GABBR2: variants seen among roughly 807,000 people sequenced by gnomAD.
GABBR2 encodes G-protein coupled receptor 51.
Under a neutral mutation model 105.6 loss-of-function variants are expected in GABBR2, and 23 were observed. The observed-to-expected ratio is 0.22, with a 90% CI of 0.16 to 0.31. The LOEUF is 0.31. Ranked by LOEUF, GABBR2 falls within the 10% of genes least tolerant of loss-of-function variation. The pLI, the probability that GABBR2 is intolerant of heterozygous loss-of-function variation, is 1.00. For missense variants in GABBR2, 734 were observed against 1,245.5 expected (o/e 0.59, Z 6.18); for synonymous variants, 478 against 499.7 (o/e 0.96, Z 0.58).
intron 1 of GABBR2, among the ~76,000 whole-genome samples, chr9:98,611,426 G>C (rs1315301493): frequency 6.6e-6 from 1 of 151,862 alleles, no homozygotes; most frequent in Non-Finnish European, 1.5e-5. Context: ...AACTGCTATG[G>C]ATTCCTTCAT....
intron 13 of GABBR2, among the ~76,000 whole-genome samples, chr9:98,329,148 T>C (rs942628519): frequency 6.6e-6 from 1 of 152,296 alleles, no homozygotes; most frequent in African/African-American, 2.4e-5. Context: ...AGAAAAGGTT[T>C]CAAAGATTCA....
chr9:98,610,483 C>G (rs1829490377), intron 1 of GABBR2, among the ~76,000 whole-genome samples: 3 of 152,174 alleles, frequency 2.0e-5, no homozygotes, highest in Non-Finnish European at 4.4e-5. Flanking sequence ...GGGAATATTA[C>G]CTTACATGGC....
chr9:98,699,207 C>T (rs1303876909), intron 1 of GABBR2, among the ~76,000 whole-genome samples: 2 of 152,122 alleles, frequency 1.3e-5, no homozygotes, highest in Non-Finnish European at 2.9e-5. Flanking sequence ...CTCCTAAAAC[C>T]ATAATGCTTC....
chr9:98,496,824 T>C (rs1264274580), intron 3 of GABBR2, among the ~76,000 whole-genome samples: 1 of 152,200 alleles, frequency 6.6e-6, no homozygotes, highest in Non-Finnish European at 1.5e-5. Context: ...CACATCACAC[T>C]GTCTCCAAAT....
At chr9:98,292,544 A>T (rs142343823) in intron 18 of GABBR2, among the ~76,000 whole-genome samples, 35 of 152,342 alleles carry the variant, frequency 2.3e-4, no homozygotes, top group Non-Finnish European at 3.2e-4. Context: ...GAGACACCTC[A>T]CAGGTGTGCA....
intron 13 of GABBR2, among the ~76,000 whole-genome samples, chr9:98,316,995 T>C (rs1411893584): frequency 6.6e-6 from 1 of 152,220 alleles, no homozygotes; most frequent in Non-Finnish European, 1.5e-5. Flanking sequence ...TGCATCATTG[T>C]GTCAAATCGG....
chr9:98,502,249 TTTAA>T (rs1368454410), intron 3 of GABBR2, among the ~76,000 whole-genome samples: 1 of 152,154 alleles, frequency 6.6e-6, no homozygotes, highest in Admixed American at 6.5e-5. Flanking sequence ...TCACTCAGCA[TTTAA>T]TTGAGTCCAT....
chr9:98,434,732 G>A (rs1825871196), intron 7 of GABBR2, among the ~76,000 whole-genome samples: 1 of 152,138 alleles, frequency 6.6e-6, no homozygotes, highest in African/African-American at 2.4e-5. Context: ...CATGCATTTT[G>A]GGGCACTGGG....
chr9:98,321,294 C>T (rs1830817983), intron 13 of GABBR2, among the ~76,000 whole-genome samples: 1 of 152,146 alleles, frequency 6.6e-6, no homozygotes, highest in African/African-American at 2.4e-5. Context: ...GCAAGCAAAT[C>T]CCTTCCCCTC....
intron 18 of GABBR2, among the ~76,000 whole-genome samples, chr9:98,291,031 T>A (rs1015188617): frequency 7.2e-5 from 11 of 152,110 alleles, no homozygotes; most frequent in African/African-American, 2.7e-4. Flanking sequence ...TTATTATAAA[T>A]ACCCTAGCAG....
At chr9:98,541,043 A>T (rs1379133247) in intron 3 of GABBR2, among the ~76,000 whole-genome samples, 2 of 152,206 alleles carry the variant, frequency 1.3e-5, no homozygotes, top group Non-Finnish European at 2.9e-5. Flanking sequence ...ACACCTAGCC[A>T]TGAGAGTATG....
chr9:98,421,067 G>T (rs1283962859), intron 7 of GABBR2, among the ~76,000 whole-genome samples: 1 of 152,226 alleles, frequency 6.6e-6, no homozygotes, highest in East Asian at 1.9e-4. Flanking sequence ...CAGAACCATG[G>T]TTCCCAAACT....
chr9:98,407,060 G>A (rs1034546218), intron 7 of GABBR2, among the ~76,000 whole-genome samples: 3 of 152,206 alleles, frequency 2.0e-5, no homozygotes, highest in Non-Finnish European at 2.9e-5. Context: ...TTCAAATGCA[G>A]GTTTAATTTT....
intron 1 of GABBR2, among the ~76,000 whole-genome samples, chr9:98,601,541 A>C (rs1829336140): frequency 6.6e-6 from 1 of 152,238 alleles, no homozygotes; most frequent in Non-Finnish European, 1.5e-5. Flanking sequence ...TAATAAATGA[A>C]ATAAATAAAT....
chr9:98,348,897 C>T (rs1423050965), intron 13 of GABBR2, among the ~76,000 whole-genome samples: 1 of 152,158 alleles, frequency 6.6e-6, no homozygotes, highest in Non-Finnish European at 1.5e-5. Context: ...TCCCCCCTTT[C>T]CCTTTTGGAT....
chr9:98,483,586 C>A (rs183627345), intron 4 of GABBR2, among the ~76,000 whole-genome samples: 125 of 152,320 alleles, frequency 8.2e-4, no homozygotes, highest in Middle Eastern at 3.4e-3. Context: ...TCATACCCTG[C>A]CTTGGCAGTG....
intron 13 of GABBR2, among the ~76,000 whole-genome samples, chr9:98,328,698 T>C (rs1247263527): frequency 6.6e-6 from 1 of 152,180 alleles, no homozygotes; most frequent in Non-Finnish European, 1.5e-5. Flanking sequence ...CCCAAAATAC[T>C]CTATGAGTAA....
intron 1 of GABBR2, among the ~76,000 whole-genome samples, chr9:98,654,061 T>C (rs913003503): frequency 1.3e-5 from 2 of 152,216 alleles, no homozygotes; most frequent in African/African-American, 2.4e-5. Flanking sequence ...TCTAATTCAG[T>C]AGTCTTTCTG....
At chr9:98,569,894 T>A (rs981219800) in intron 2 of GABBR2, among the ~76,000 whole-genome samples, 3 of 152,236 alleles carry the variant, frequency 2.0e-5, no homozygotes, top group Admixed American at 2.0e-4. Context: ...GAGAAAATCA[T>A]GTCAGATCAC....
Sources: gnomAD v4.1 joint callset for allele counts (sites outside exome capture counted in the v4.1 genomes callset) on GRCh38, gnomAD v4.1.1 for gene constraint, MANE v1.5 for transcripts, NCBI Gene and HGNC (gene_info 2026-07-23, HGNC 2026-07-21) for gene names.